KIAA1549: variants seen among roughly 807,000 people sequenced by gnomAD.
KIAA1549 encodes the protein UPF0606 protein KIAA1549.
KIAA1549 carries 70 observed loss-of-function variants against 156.4 expected under a neutral mutation model. The observed-to-expected ratio is 0.45, with a 90% CI of 0.37 to 0.55. The LOEUF is 0.55. KIAA1549 is among the 20% of genes least tolerant of loss of function. KIAA1549 has a pLI of 0.00. For synonymous variants in KIAA1549, 1,103 were observed against 1,066.4 expected (o/e 1.03, Z -0.67); for missense variants, 2,428 against 2,540.9 (o/e 0.96, Z 0.96).
chr7:138,981,198 G>C lies in KIAA1549; in HGVS notation c.72C>G (p.Ala24=), dbSNP rs1217523346. 13 of 1,062,946 alleles carry C rather than the reference G, an allele frequency of 1.2e-5. No homozygotes were observed. The highest frequency in any genetic ancestry group is 1.1e-5 in the Non-Finnish European group (10 of 882,126). The allele number at this position is 1,062,946 out of a possible 1,614,324, so 65.8% of individuals were successfully genotyped here. The change falls in exon 1 of 20, where the codon GCC becomes GCG. Residue 24 remains alanine (A), a synonymous_variant. Coordinates refer to ENST00000422774, the MANE Select transcript of KIAA1549 (RefSeq NM_001164665.2). This position sits in a 1 kb window ranked among gnomAD's most constrained non-coding sequence, Gnocchi z 4.5. ...EGKPRAGVAL[A]PGPSGRRPSA... is the part of the protein sequence containing the mutation. The stretch of plus-strand genomic sequence containing the variant: ...AAGGCCGTCGGCCGCTCGGCCCCGG[G>C]GCCAGCGCGACCCCGGCGCGGGGCT...
chr7:138,958,474 C>T (rs1813736436), intron 1 of KIAA1549, among the ~76,000 whole-genome samples: 2 of 152,214 alleles, frequency 1.3e-5, no homozygotes, highest in Non-Finnish European at 2.9e-5. Context: ...AAGCTGCAGG[C>T]CCTGAGGCAT....
Position 138,862,209 on chromosome 7 carries a change from T to C in KIAA1549, c.4930-753A>G, listed in dbSNP as rs77905356. 5.1e-3 allele frequency among the ~76,000 whole-genome samples: 774 copies of C among 152,248 alleles called. 4 individuals are homozygous for C. The highest frequency in any genetic ancestry group is 0.01 in the Middle Eastern group (3 of 294). ...AAACTATACATATTAAAACTATGCATGTGGGCTGGGTGCAGTGGCTCACAC... is the reference window on the plus strand; with the variant it reads ...AAACTATACATATTAAAACTATGCACGTGGGCTGGGTGCAGTGGCTCACAC... On this transcript the variant is annotated intron_variant, in intron 15 of 19. Transcript: ENST00000422774.
intron 10 of KIAA1549, among the ~76,000 whole-genome samples, chr7:138,889,550 T>C (rs1463638119): frequency 1.3e-5 from 2 of 152,190 alleles, no homozygotes; most frequent in Non-Finnish European, 2.9e-5. Context: ...CCTCAAGAAA[T>C]AGCTGATGAC....
chr7:138,974,636 T>C (rs1347621244), intron 1 of KIAA1549, among the ~76,000 whole-genome samples: 2 of 151,820 alleles, frequency 1.3e-5, no homozygotes, highest in Non-Finnish European at 2.9e-5. Flanking sequence ...TTGGCCAGGC[T>C]GGTCTCGAAC....
chr7:138,966,854 A>AG (rs1260953547), intron 1 of KIAA1549, among the ~76,000 whole-genome samples: 6 of 152,156 alleles, frequency 3.9e-5, no homozygotes, highest in Non-Finnish European at 7.3e-5. Context: ...GCACCTTTGG[A>AG]GGAAGCACAG....
intron 1 of KIAA1549, among the ~76,000 whole-genome samples, chr7:138,956,468 G>A (rs925918679): frequency 1.3e-5 from 2 of 152,182 alleles, no homozygotes; most frequent in Non-Finnish European, 2.9e-5. Flanking sequence ...ATGTGTTGTG[G>A]GAGGGATCTG....
At chr7:138,911,847 G>A (rs1015077516) in intron 3 of KIAA1549, among the ~76,000 whole-genome samples, 7 of 152,082 alleles carry the variant, frequency 4.6e-5, no homozygotes, top group South Asian at 2.1e-4. Context: ...GCCCATCTCC[G>A]TTTGGACGAG....
intron 12 of KIAA1549, among the ~76,000 whole-genome samples, chr7:138,874,228 G>T (rs1186022792): frequency 3.3e-5 from 5 of 151,566 alleles, no homozygotes; most frequent in African/African-American, 9.7e-5. Context: ...CTGCCTTAAG[G>T]CTAGTAGGAA....
chr7:138,961,429 G>C (rs866417521), intron 1 of KIAA1549, among the ~76,000 whole-genome samples: 23 of 152,010 alleles, frequency 1.5e-4, no homozygotes, highest in Middle Eastern at 3.4e-3. Flanking sequence ...AGCTGCTTTG[G>C]GATCGGCCCC....
chr7:138,908,914 G>C, intron 5 of KIAA1549, 77 bp downstream of exon 5: 2 of 1,544,124 alleles, frequency 1.3e-6, no homozygotes, highest in African/African-American at 2.7e-5. Context: ...TAAGAGTTAA[G>C]CACATCTTAA....
At chr7:138,966,918 T>C (rs188734370) in intron 1 of KIAA1549, among the ~76,000 whole-genome samples, 6 of 152,264 alleles carry the variant, frequency 3.9e-5, no homozygotes, top group Non-Finnish European at 8.8e-5. Flanking sequence ...TAACCTTCTG[T>C]TGTGTAAGCC....
At chr7:138,859,008 AAC>A (rs57352970) in intron 16 of KIAA1549, among the ~76,000 whole-genome samples, 11,441 of 142,160 alleles carry the variant, frequency 0.08, 865 homozygotes, top group African/African-American at 0.21. Context: ...TCCATCTCAA[AAC>A]ACACACACAC....
chr7:138,887,165 C>T (rs1302976501), intron 10 of KIAA1549, among the ~76,000 whole-genome samples: 1 of 152,062 alleles, frequency 6.6e-6, no homozygotes, highest in African/African-American at 2.4e-5. Flanking sequence ...CTGCTTCAGC[C>T]TCCCAAAGTG....
At chr7:138,924,632 A>G (rs1017227451) in intron 1 of KIAA1549, among the ~76,000 whole-genome samples, 1 of 152,188 alleles carries the variant, frequency 6.6e-6, no homozygotes, top group African/African-American at 2.4e-5. Flanking sequence ...GTATTAAGAA[A>G]TGGAAGGCAA....
chr7:138,958,280 G>T (rs115903429), intron 1 of KIAA1549, among the ~76,000 whole-genome samples: 198 of 152,280 alleles, frequency 1.3e-3, no homozygotes, highest in Non-Finnish European at 2.5e-3. Flanking sequence ...CCATGGCACC[G>T]GATCTAGGTG....
At chr7:138,862,745 A>G (rs1033482981) in intron 15 of KIAA1549, among the ~76,000 whole-genome samples, 4 of 152,178 alleles carry the variant, frequency 2.6e-5, no homozygotes, top group African/African-American at 9.7e-5. Context: ...AGCGTGGCCA[A>G]CATGGTGAAA....
chr7:138,907,191 G>T (rs528736116), intron 5 of KIAA1549, 89 bp from the exon 6 acceptor site: 4 of 1,141,028 alleles, frequency 3.5e-6, no homozygotes, highest in African/African-American at 3.2e-5. Flanking sequence ...TCCTCTCACC[G>T]ATTTTTTTAA....
intron 16 of KIAA1549, among the ~76,000 whole-genome samples, chr7:138,852,872 A>G (rs1387782921): frequency 2.0e-5 from 3 of 152,234 alleles, no homozygotes; most frequent in African/African-American, 7.2e-5. Flanking sequence ...AGACCCGGCT[A>G]TATTTTCTGC....
At position 138,918,341 on chromosome 7, in the gene KIAA1549, G is replaced by A. The variant is rs778597720; in HGVS notation, c.1285C>T (p.Pro429Ser). 2 of 1,613,992 alleles carry A rather than the reference G, an allele frequency of 1.2e-6. No homozygotes were observed. The highest frequency in any genetic ancestry group is 3.3e-5 in the Admixed American group (2 of 60,024). The change falls in exon 2 of 20, where the codon CCT becomes TCT. Residue 429 changes from proline (P) to serine (S), a missense_variant. Pro to Ser is a moderately conservative substitution (Grantham distance 74). Around this residue, in one of 5 missense-constraint regions of KIAA1549, gnomAD observed 893 missense variants for 847.9 expected, o/e 1.05. Transcript: ENST00000422774. This position sits in a 1 kb window ranked among gnomAD's most constrained non-coding sequence, Gnocchi z 4.2. ...AGGCTCGTGGCCAGAACTTGCTGAG[G>A]TGAAGGCACAGTGCAGGCCGCACAC... ...TWCAACTVPS[P>S]QQVLATSLME...
Sources: gnomAD v4.1 joint callset for allele counts (sites outside exome capture counted in the v4.1 genomes callset) on GRCh38, gnomAD v4.1.1 for gene constraint, gnomAD v4.1.1 regional missense constraint, Gnocchi (gnomAD v3.1) non-coding constraint, MANE v1.5 for transcripts, NCBI Gene and HGNC (gene_info 2026-07-23, HGNC 2026-07-21) for gene names.